The following MACROD2 variants were observed in gnomAD, a reference collection of about 807,000 sequenced individuals.
MACROD2 encodes ADP-ribose glycohydrolase MACROD2.
In MACROD2, 36 loss-of-function variants were observed where a neutral mutation model predicts 70.4. That is an observed-to-expected ratio of 0.51 (90% confidence interval 0.39 to 0.68). The LOEUF (loss-of-function observed/expected upper bound fraction) is 0.68, where lower values mean the gene tolerates loss of function less well. MACROD2 is among the 30% of genes least tolerant of loss of function. The pLI, the probability that MACROD2 is intolerant of heterozygous loss-of-function variation, is 0.00. For missense variants in MACROD2, 496 were observed against 538.4 expected (o/e 0.92, Z 0.78); for synonymous variants, 172 against 178.8 (o/e 0.96, Z 0.30).
At chr20:15,253,874 A>G (rs547734430) in intron 6 of MACROD2, among the ~76,000 whole-genome samples, 1 of 152,270 alleles carries the variant, frequency 6.6e-6, no homozygotes, top group East Asian at 1.9e-4. Context: ...GGATTTCAAA[A>G]ATTATTTTTT....
intron 7 of MACROD2, among the ~76,000 whole-genome samples, chr20:15,451,095 C>G (rs561157289): frequency 6.6e-6 from 1 of 152,112 alleles, no homozygotes; most frequent in East Asian, 1.9e-4. Flanking sequence ...TTTGCAATAG[C>G]TATCAATGTG....
chr20:15,672,321 A>C (rs1036732787), intron 8 of MACROD2, among the ~76,000 whole-genome samples: 6 of 150,736 alleles, frequency 4.0e-5, no homozygotes, highest in African/African-American at 1.5e-4. Flanking sequence ...TAAGCATGCT[A>C]GTTCATTTTC....
At chr20:14,080,777 A>G (rs2053983202) in intron 2 of MACROD2, among the ~76,000 whole-genome samples, 1 of 152,026 alleles carries the variant, frequency 6.6e-6, no homozygotes, top group African/African-American at 2.4e-5. Context: ...TTCCTCTGAT[A>G]GCCTACTACA....
chr20:14,420,144 T>TTATA (rs368804584), intron 3 of MACROD2, among the ~76,000 whole-genome samples: 3,972 of 148,248 alleles, frequency 0.027, 173 homozygotes, highest in African/African-American at 0.091. Flanking sequence ...TCTGTCCTAA[T>TTATA]TATATATATA....
intron 3 of MACROD2, among the ~76,000 whole-genome samples, chr20:14,271,213 C>T (rs1480727038): frequency 6.6e-6 from 1 of 152,170 alleles, no homozygotes; most frequent in Non-Finnish European, 1.5e-5. Flanking sequence ...TGACCCCTGA[C>T]CCCCGAGCAG....
intron 8 of MACROD2, among the ~76,000 whole-genome samples, chr20:15,560,889 G>A (rs1293346249): frequency 1.3e-5 from 2 of 151,836 alleles, no homozygotes; most frequent in East Asian, 1.9e-4. Context: ...AAACAGAAGG[G>A]GAATGGGTTG....
At chr20:14,604,747 C>T (rs1023311184) in intron 4 of MACROD2, among the ~76,000 whole-genome samples, 3 of 152,132 alleles carry the variant, frequency 2.0e-5, no homozygotes, top group Non-Finnish European at 4.4e-5. Context: ...AGACCAGAGT[C>T]CTTCTTCCAG....
rs368581244 is a variant in MACROD2 at position 15,863,834 on chromosome 20, A to C, written c.727+1008A>C. ...CTATCCAGAACAGCTGTAGAAAACC[A>C]AAAAACCAATGGAGATGGTCAGCTC... On this transcript the variant is annotated intron_variant, in intron 9 of 17. Coordinates refer to ENST00000684519, the MANE Select transcript of MACROD2 (RefSeq NM_001351661.2). Among the ~76,000 whole-genome samples, 37 of 152,322 alleles carry C rather than the reference A, an allele frequency of 2.4e-4. No homozygotes were observed. The East Asian group carries it at 4.2e-3, about 17-fold the overall frequency.
intron 3 of MACROD2, among the ~76,000 whole-genome samples, chr20:14,254,488 A>G (rs2082037486): frequency 2.0e-5 from 3 of 152,024 alleles, no homozygotes. Context: ...ATTTTATTTT[A>G]TTTTTATCAG....
chr20:14,668,624 A>G (rs1042914980), intron 4 of MACROD2, among the ~76,000 whole-genome samples: 1 of 152,144 alleles, frequency 6.6e-6, no homozygotes, highest in African/African-American at 2.4e-5. Context: ...TCATATCTCA[A>G]CCTATTAATT....
intron 6 of MACROD2, among the ~76,000 whole-genome samples, chr20:15,282,871 C>A (rs749525772): frequency 6.6e-6 from 1 of 152,070 alleles, no homozygotes; most frequent in Non-Finnish European, 1.5e-5. Context: ...TTTCTTATGC[C>A]GCTATGAAGA....
At chr20:14,807,541 A>G (rs1056604082) in intron 5 of MACROD2, among the ~76,000 whole-genome samples, 1 of 152,136 alleles carries the variant, frequency 6.6e-6, no homozygotes, top group Non-Finnish European at 1.5e-5. Flanking sequence ...TCTCCTCCAA[A>G]GGATCAGAAC....
At chr20:14,788,902 A>G (rs1044251808) in intron 5 of MACROD2, among the ~76,000 whole-genome samples, 2 of 150,530 alleles carry the variant, frequency 1.3e-5, no homozygotes, top group African/African-American at 4.9e-5. Context: ...CTGAGTAGCT[A>G]GGATTACAGG....
chr20:14,053,587 G>A (rs532739322), intron 2 of MACROD2: 7 of 152,250 alleles, frequency 4.6e-5, no homozygotes, highest in African/African-American at 7.2e-5. Flanking sequence ...TTTATCACGA[G>A]AGCTTTGTAA....
intron 5 of MACROD2, among the ~76,000 whole-genome samples, chr20:15,166,260 A>G (rs749300301): frequency 6.6e-5 from 10 of 152,174 alleles, no homozygotes; most frequent in Admixed American, 2.6e-4. Context: ...TTAAGCCCCA[A>G]TGTAATGGTA....
intron 5 of MACROD2, among the ~76,000 whole-genome samples, chr20:14,979,683 C>T (rs764233085): frequency 5.7e-4 from 87 of 152,266 alleles, no homozygotes; most frequent in Admixed American, 1.1e-3. Context: ...TGCCAATCTG[C>T]GAGGTCAGCT....
At chr20:15,496,565 G>A (rs898811688) in intron 7 of MACROD2, among the ~76,000 whole-genome samples, 1 of 152,184 alleles carries the variant, frequency 6.6e-6, no homozygotes, top group Non-Finnish European at 1.5e-5. Flanking sequence ...AAAGGTGAAT[G>A]TTAATACTGA....
At chr20:15,570,327 G>T (rs1055455551) in intron 8 of MACROD2, among the ~76,000 whole-genome samples, 5 of 152,146 alleles carry the variant, frequency 3.3e-5, no homozygotes, top group African/African-American at 1.2e-4. Context: ...GTAGCTCTTA[G>T]AATGTTGGCA....
chr20:14,432,310 G>A (rs1267924657), intron 3 of MACROD2, among the ~76,000 whole-genome samples: 5 of 151,798 alleles, frequency 3.3e-5, no homozygotes, highest in South Asian at 2.1e-4. Flanking sequence ...TAGCTCATAC[G>A]TCATTTCACA....
Sources: allele counts gnomAD v4.1 joint callset (sites outside exome capture counted in the v4.1 genomes callset), GRCh38; gene constraint gnomAD v4.1.1; transcripts MANE v1.5; gene names NCBI Gene and HGNC (gene_info 2026-07-23, HGNC 2026-07-21).